The following SRBD1 variants were observed in gnomAD, a reference collection of about 807,000 sequenced individuals.
SRBD1 encodes the protein S1 RNA-binding domain-containing protein 1.
A neutral mutation model predicts 115.3 loss-of-function variants in SRBD1; 88 were observed. The observed-to-expected ratio is 0.76, with a 90% confidence interval of 0.64 to 0.91. The LOEUF is 0.91. SRBD1 is among the 40% of genes least tolerant of loss of function. The probability of loss-of-function intolerance (pLI) is 0.00; values close to 1 mark genes in which losing one functional copy is unlikely to be tolerated. For synonymous variants in SRBD1, 509 were observed against 407.7 expected, an observed-to-expected ratio of 1.25 and a Z score of -2.99; for missense variants, 1,385 against 1,177.4, an observed-to-expected ratio of 1.18 and a Z score of -2.58.
chr2:45,456,761 T>C (rs1669167576), intron 16 of SRBD1, among the ~76,000 whole-genome samples: 1 of 151,922 alleles, frequency 6.6e-6, no homozygotes, highest in South Asian at 2.1e-4. Flanking sequence ...TGTCAACATA[T>C]GATGCTACTG....
At chr2:45,534,704 G>A (rs1302760258) in intron 14 of SRBD1, among the ~76,000 whole-genome samples, 1 of 151,908 alleles carries the variant, frequency 6.6e-6, no homozygotes, top group Non-Finnish European at 1.5e-5. Context: ...TACTGCACTA[G>A]TGAGAAATTA....
chr2:45,600,071 G>A lies in SRBD1; in HGVS notation c.262-236C>T, dbSNP rs115058532. ...TTGGCAAGGGTCAGAGATGATGGGG[G>A]GAGGTGGGTGTGGCTATAAAAGGGC... On this transcript the variant is annotated intron_variant, in intron 3 of 20. Coordinates refer to ENST00000263736, the MANE Select transcript of SRBD1 (RefSeq NM_018079.5). 1.1e-3 allele frequency among the ~76,000 whole-genome samples: 162 copies of A among 152,284 alleles called. 1 individual carries two copies. The highest frequency in any genetic ancestry group is 9.7e-4 in the Non-Finnish European group (66 of 68,018).
At chr2:45,427,691 T>C (rs1288120871) in intron 16 of SRBD1, among the ~76,000 whole-genome samples, 1 of 152,162 alleles carries the variant, frequency 6.6e-6, no homozygotes, top group African/African-American at 2.4e-5. Context: ...ATATCCCTGA[T>C]GAACATCAAT....
At chr2:45,536,082 C>A (rs1671754880) in intron 14 of SRBD1, among the ~76,000 whole-genome samples, 1 of 152,066 alleles carries the variant, frequency 6.6e-6, no homozygotes, top group East Asian at 1.9e-4. Context: ...AGTTCCTAAT[C>A]TTTTTCTGGT....
chr2:45,525,532 T>G (rs568341292), intron 14 of SRBD1, among the ~76,000 whole-genome samples: 25 of 152,014 alleles, frequency 1.6e-4, no homozygotes, highest in Non-Finnish European at 3.2e-4. Context: ...ACATGGTGAC[T>G]ATAGTTAATA....
chr2:45,498,002 TC>T (rs1670514701), intron 14 of SRBD1, among the ~76,000 whole-genome samples: 1 of 152,170 alleles, frequency 6.6e-6, no homozygotes. Context: ...AGATTCCGTC[TC>T]AAAAAAGAAA....
At chr2:45,390,019 T>C (rs1312460881) in intron 20 of SRBD1, among the ~76,000 whole-genome samples, 1 of 152,180 alleles carries the variant, frequency 6.6e-6, no homozygotes, top group African/African-American at 2.4e-5. Flanking sequence ...GCCTGGATTA[T>C]TAAATTGTTT....
intron 9 of SRBD1, among the ~76,000 whole-genome samples, chr2:45,568,249 G>C (rs979938429): frequency 6.6e-6 from 1 of 152,196 alleles, no homozygotes; most frequent in African/African-American, 2.4e-5. Context: ...GCAGCTGGAA[G>C]AATTTACTAA....
At chr2:45,449,971 A>G (rs1389712960) in intron 16 of SRBD1, among the ~76,000 whole-genome samples, 3 of 152,150 alleles carry the variant, frequency 2.0e-5, no homozygotes, top group African/African-American at 7.2e-5. Context: ...AAGGCAGGTG[A>G]AACCAGGTAT....
intron 14 of SRBD1, among the ~76,000 whole-genome samples, chr2:45,506,316 A>G (rs1196291351): frequency 1.3e-5 from 2 of 152,210 alleles, no homozygotes. Flanking sequence ...TTCATACTTC[A>G]AAACCACCTC....
chr2:45,452,223 T>C (rs1472572685), intron 16 of SRBD1, among the ~76,000 whole-genome samples: 1 of 151,972 alleles, frequency 6.6e-6, no homozygotes, highest in African/African-American at 2.4e-5. Flanking sequence ...ATTTGGGCTT[T>C]CACTGTTTTG....
chr2:45,415,680 A>AC (rs1558564904), intron 18 of SRBD1, among the ~76,000 whole-genome samples: 1 of 36,732 alleles, frequency 2.7e-5, no homozygotes. Context: ...AGGGGAGGGG[A>AC]GGGGACGGGA....
intron 11 of SRBD1, among the ~76,000 whole-genome samples, chr2:45,551,624 A>G (rs1342974410): frequency 6.6e-6 from 1 of 152,220 alleles, no homozygotes; most frequent in Non-Finnish European, 1.5e-5. Context: ...TGCAAACAAA[A>G]GTAGGCACAG....
chr2:45,512,936 C>T (rs1448702587), intron 14 of SRBD1, among the ~76,000 whole-genome samples: 2 of 152,050 alleles, frequency 1.3e-5, no homozygotes, highest in African/African-American at 4.8e-5. Flanking sequence ...TAGAAAGAGA[C>T]ACAAACCTCA....
chr2:45,465,900 A>C (rs576379405), intron 16 of SRBD1, among the ~76,000 whole-genome samples: 1 of 152,200 alleles, frequency 6.6e-6, no homozygotes, highest in African/African-American at 2.4e-5. Flanking sequence ...ACTTCAACAA[A>C]AATTTGGAGA....
chr2:45,410,800 C>A (rs1468443724), intron 19 of SRBD1, among the ~76,000 whole-genome samples: 1 of 152,168 alleles, frequency 6.6e-6, no homozygotes, highest in Non-Finnish European at 1.5e-5. Context: ...ACCCAAAAGG[C>A]CTGGGTTCCA....
intron 16 of SRBD1, among the ~76,000 whole-genome samples, chr2:45,429,998 TAGAC>T (rs1459620090): frequency 2.0e-5 from 3 of 151,564 alleles, no homozygotes; most frequent in Admixed American, 6.6e-5. Context: ...ACACCAATAA[TAGAC>T]AGAGAGCCAA....
At chr2:45,532,292 A>C (rs927384418) in intron 14 of SRBD1, among the ~76,000 whole-genome samples, 1 of 151,902 alleles carries the variant, frequency 6.6e-6, no homozygotes, top group Non-Finnish European at 1.5e-5. Context: ...TTTGACAGAC[A>C]GTGTTAAATA....
At chr2:45,485,465 G>T (rs764700787) in intron 15 of SRBD1, among the ~76,000 whole-genome samples, 8 of 152,048 alleles carry the variant, frequency 5.3e-5, no homozygotes, top group Non-Finnish European at 1.2e-4. Context: ...AATTTCAGAA[G>T]GAGAGAAGGA....
Sources: gnomAD v4.1 joint callset for allele counts (sites outside exome capture counted in the v4.1 genomes callset) on GRCh38, gnomAD v4.1.1 for gene constraint, MANE v1.5 for transcripts, NCBI Gene and HGNC (gene_info 2026-07-23, HGNC 2026-07-21) for gene names.